The following CDH18 variants were observed in gnomAD, a reference collection of about 807,000 sequenced individuals.
CDH18 encodes cadherin-18.
CDH18 carries 31 observed loss-of-function variants against 67.9 expected under a neutral mutation model. The observed-to-expected ratio is 0.46, with a 90% CI of 0.34 to 0.62. The LOEUF is 0.62. Ranked by LOEUF, CDH18 falls within the 20% of genes least tolerant of loss-of-function variation. CDH18 has a pLI of 0.01. For missense variants in CDH18, 890 were observed against 975.5 expected, an observed-to-expected ratio of 0.91 and a Z score of 1.17; for synonymous variants, 362 against 347.2, an observed-to-expected ratio of 1.04 and a Z score of -0.48.
intron 2 of CDH18, among the ~76,000 whole-genome samples, chr5:19,918,945 G>T (rs1208414100): frequency 6.6e-6 from 1 of 152,190 alleles, no homozygotes; most frequent in Middle Eastern, 3.4e-3. Flanking sequence ...TTAGATTGAG[G>T]ACTGGTTGCC....
At chr5:19,490,231 G>A (rs1014469877) in intron 11 of CDH18, among the ~76,000 whole-genome samples, 1 of 151,750 alleles carries the variant, frequency 6.6e-6, no homozygotes, top group Non-Finnish European at 1.5e-5. Context: ...CTGCATTAAT[G>A]TACATGGTGG....
At chr5:20,505,440 T>C (rs1039938981) in intron 1 of CDH18, among the ~76,000 whole-genome samples, 1 of 152,170 alleles carries the variant, frequency 6.6e-6, no homozygotes, top group Non-Finnish European at 1.5e-5. Context: ...CTTTTTTTGG[T>C]AGATATTATT....
chr5:20,175,940 C>T (rs1737197840), intron 2 of CDH18, among the ~76,000 whole-genome samples: 1 of 152,140 alleles, frequency 6.6e-6, no homozygotes, highest in South Asian at 2.1e-4. Context: ...CAAGTTCACA[C>T]TCAGTATTAA....
intron 5 of CDH18, among the ~76,000 whole-genome samples, chr5:19,638,591 G>A (rs1753505897): frequency 6.6e-6 from 1 of 150,552 alleles, no homozygotes; most frequent in African/African-American, 2.5e-5. Context: ...AGTTAAAACA[G>A]TTCCTGGATG....
chr5:19,944,298 C>G (rs1035556351), intron 2 of CDH18, among the ~76,000 whole-genome samples: 1 of 152,060 alleles, frequency 6.6e-6, no homozygotes, highest in African/African-American at 2.4e-5. Flanking sequence ...CAGCTAAAGT[C>G]TACCTATTCC....
intron 8 of CDH18, among the ~76,000 whole-genome samples, chr5:19,558,687 A>G (rs762807588): frequency 3.3e-5 from 5 of 152,034 alleles, no homozygotes; most frequent in Non-Finnish European, 5.9e-5. Flanking sequence ...GTCCAGGACC[A>G]GACAGATTCA....
intron 1 of CDH18, among the ~76,000 whole-genome samples, chr5:20,324,375 T>TA (rs1738342220): frequency 1.3e-5 from 2 of 151,914 alleles, no homozygotes; most frequent in Admixed American, 6.6e-5. Context: ...CCGTCTCTAT[T>TA]AAAAAATACA....
chr5:19,778,782 AATTGGAT>A (rs1243021970), intron 3 of CDH18, among the ~76,000 whole-genome samples: 1 of 152,208 alleles, frequency 6.6e-6, no homozygotes, highest in Non-Finnish European at 1.5e-5. Context: ...TTCCTTCATG[AATTGGAT>A]AGCCAATAGG....
At chr5:20,244,750 T>C (rs914226260) in intron 2 of CDH18, among the ~76,000 whole-genome samples, 2 of 152,130 alleles carry the variant, frequency 1.3e-5, no homozygotes, top group Non-Finnish European at 2.9e-5. Flanking sequence ...TATTATTTTG[T>C]TATCAAATAC....
At position 20,548,379 on chromosome 5, in the gene CDH18, C is replaced by A. The variant is rs551656535; in HGVS notation, c.-580+27083G>T. 5.6e-3 allele frequency among the ~76,000 whole-genome samples: 846 copies of A among 150,998 alleles called. 9 individuals carry two copies. The highest frequency in any genetic ancestry group is 0.02 in the African/African-American group (805 of 41,112). On this transcript the variant is annotated intron_variant, in intron 1 of 14. Coordinates refer to the CDH18 transcript ENST00000507958. Reference sequence around the variant, plus strand: ...TGTATATGTGTTCATAAAATATGTCCCTGGATACTTATTCAGGAAGTAAAT... The same window carrying A: ...TGTATATGTGTTCATAAAATATGTCACTGGATACTTATTCAGGAAGTAAAT...
intron 1 of CDH18, among the ~76,000 whole-genome samples, chr5:20,294,244 T>C (rs1199451029): frequency 1.3e-5 from 2 of 152,278 alleles, no homozygotes; most frequent in East Asian, 3.9e-4. Context: ...AAGTAAGCAG[T>C]GTTACAACCA....
intron 2 of CDH18, among the ~76,000 whole-genome samples, chr5:20,185,356 C>A (rs776633327): frequency 6.6e-6 from 1 of 152,016 alleles, no homozygotes; most frequent in African/African-American, 2.4e-5. Flanking sequence ...AGTATATTTA[C>A]AACACAGCAC....
chr5:19,606,679 T>A (rs575196035), intron 6 of CDH18, among the ~76,000 whole-genome samples: 1 of 151,892 alleles, frequency 6.6e-6, no homozygotes, highest in Admixed American at 6.6e-5. Flanking sequence ...GCAAAGACAG[T>A]AATAGATGAA....
intron 2 of CDH18, among the ~76,000 whole-genome samples, chr5:20,133,006 GA>G (rs1459953627): frequency 1.3e-5 from 2 of 151,980 alleles, no homozygotes; most frequent in African/African-American, 2.4e-5. Flanking sequence ...AGGCAGTCTG[GA>G]AGAAGAGTTC....
At chr5:19,922,897 C>T (rs1792659754) in intron 2 of CDH18, among the ~76,000 whole-genome samples, 1 of 152,056 alleles carries the variant, frequency 6.6e-6, no homozygotes, top group Non-Finnish European at 1.5e-5. Context: ...ATTGACTTAC[C>T]TGAAAACAAA....
At chr5:19,482,893 C>T (rs1166792957) in intron 12 of CDH18, among the ~76,000 whole-genome samples, 1 of 152,072 alleles carries the variant, frequency 6.6e-6, no homozygotes, top group African/African-American at 2.4e-5. Flanking sequence ...ATGACCCTCA[C>T]CCTCATGCTG....
chr5:19,959,773 T>C (rs1337567622), intron 2 of CDH18, among the ~76,000 whole-genome samples: 1 of 152,112 alleles, frequency 6.6e-6, no homozygotes, highest in African/African-American at 2.4e-5. Flanking sequence ...CATTCTTGTA[T>C]GAACATCACA....
At chr5:20,314,067 T>C (rs1737247120) in intron 1 of CDH18, among the ~76,000 whole-genome samples, 1 of 152,062 alleles carries the variant, frequency 6.6e-6, no homozygotes, top group African/African-American at 2.4e-5. Flanking sequence ...CTTAAAAATT[T>C]ACATACAATT....
rs191501401 is a variant in CDH18 at position 19,908,122 on chromosome 5, C to T, written c.-256-68880G>A. On this transcript the variant is annotated intron_variant, in intron 2 of 12. Transcript: ENST00000382275. ...GGAAGTAAAAATCATATTCAGAAGG[C>T]TTATTTACTATAATTATAAAAATTA... Among the ~76,000 whole-genome samples the T allele has an allele frequency of 2.2e-3, 329 of 152,044 alleles. 2 individuals are homozygous for T. The highest frequency in any genetic ancestry group is 7.4e-3 in the African/African-American group (307 of 41,502).
Sources: allele counts gnomAD v4.1 joint callset (sites outside exome capture counted in the v4.1 genomes callset), GRCh38; gene constraint gnomAD v4.1.1; transcripts MANE v1.5; gene names NCBI Gene and HGNC (gene_info 2026-07-23, HGNC 2026-07-21).